The following XKR9 variants were observed in gnomAD, a reference collection of about 807,000 sequenced individuals.
The protein encoded by XKR9 is XK-related protein 9.
XKR9 carries 32 observed loss-of-function variants against 32.0 expected under a neutral mutation model. The observed-to-expected ratio is 1.00, with a 90% CI of 0.76 to 1.34. The LOEUF (loss-of-function observed/expected upper bound fraction) is 1.34. Ranked by LOEUF, XKR9 falls within the 40% of genes most tolerant of loss-of-function variation. The pLI, the probability that XKR9 is intolerant of heterozygous loss-of-function variation, is 0.00. For missense variants in XKR9, 546 were observed against 429.7 expected (o/e 1.27, Z -2.39); for synonymous variants, 168 against 143.4 (o/e 1.17, Z -1.22).
At chr8:70,947,792 T>A in the XKR9 span, among the ~76,000 whole-genome samples, 10 of 152,264 alleles carry the variant, frequency 6.6e-5, no homozygotes, top group Middle Eastern at 3.4e-3. Context: ...ATCAAGAGGG[T>A]TTAAAATTTT....
At chr8:70,716,616 T>G (rs1407388130) in intron 4 of XKR9, among the ~76,000 whole-genome samples, 1 of 152,090 alleles carries the variant, frequency 6.6e-6, no homozygotes. Context: ...TTCAGTTACC[T>G]CTACCGTGTC....
chr8:70,969,842 G>A, the XKR9 span, among the ~76,000 whole-genome samples: 4 of 152,088 alleles, frequency 2.6e-5, 1 homozygote. Flanking sequence ...AGATTTCTGT[G>A]CACCCATCAC....
chr8:70,997,928 A>G, the XKR9 span, among the ~76,000 whole-genome samples: 1 of 152,120 alleles, frequency 6.6e-6, no homozygotes, highest in African/African-American at 2.4e-5. Context: ...AATTTAGGAA[A>G]TATATTTTAG....
Position 70,707,061 on chromosome 8 carries a change from T to C in XKR9, c.401T>C (p.Leu134Pro), listed in dbSNP as rs1395799184. 2.5e-6 allele frequency: 4 copies of C among 1,613,406 alleles called. No homozygotes were observed. The African/African-American group carries it at 4.0e-5, about 16-fold the overall frequency. ...GATAGAGTGACTGATTTGAGCATGC[T>C]CAGACTATTTGAGACCTACCTGGAA... ...VIDRVTDLSM[L>P]RLFETYLEGC... Residue 134 changes from leucine (L) to proline (P), a missense_variant, in exon 4 of 5, where the codon CTC becomes CCC. Physicochemically the swap from Leu to Pro is moderately conservative, Grantham distance 98 (BLOSUM62 -3). Coordinates refer to ENST00000408926, the MANE Select transcript of XKR9 (RefSeq NM_001011720.2).
At chr8:71,040,283 G>A in the XKR9 span, among the ~76,000 whole-genome samples, 1 of 152,142 alleles carries the variant, frequency 6.6e-6, no homozygotes, top group African/African-American at 2.4e-5. Flanking sequence ...GGAAGTGACT[G>A]CTGAAGGTAC....
At chr8:71,041,233 A>G in the XKR9 span, among the ~76,000 whole-genome samples, 3 of 152,170 alleles carry the variant, frequency 2.0e-5, no homozygotes, top group East Asian at 5.8e-4. Context: ...CCTGATGCAT[A>G]CATGATTTCT....
At chr8:71,058,354 T>G in the XKR9 span, among the ~76,000 whole-genome samples, 1 of 152,154 alleles carries the variant, frequency 6.6e-6, no homozygotes, top group African/African-American at 2.4e-5. Context: ...TGCAGCCAAG[T>G]AGGGTTAGTC....
At chr8:71,063,552 G>A in the XKR9 span, among the ~76,000 whole-genome samples, 35 of 147,816 alleles carry the variant, frequency 2.4e-4, no homozygotes, top group Admixed American at 1.3e-4. Context: ...CAGAGCAAGT[G>A]ACAAAAAAAA....
chr8:70,693,300 G>T (rs1805144491), intron 3 of XKR9, among the ~76,000 whole-genome samples: 2 of 152,280 alleles, frequency 1.3e-5, no homozygotes, highest in Non-Finnish European at 2.9e-5. Flanking sequence ...TGGTTTCAGT[G>T]GGGGTATATT....
chr8:70,744,119 T>A (rs1807025267), intron 2 of XKR9, among the ~76,000 whole-genome samples: 1 of 152,020 alleles, frequency 6.6e-6, no homozygotes, highest in Non-Finnish European at 1.5e-5. Flanking sequence ...AAGACCACTC[T>A]GGTCAACATG....
At chr8:71,052,212 G>C in the XKR9 span, among the ~76,000 whole-genome samples, 5 of 152,200 alleles carry the variant, frequency 3.3e-5, no homozygotes, top group Non-Finnish European at 7.3e-5. Flanking sequence ...TCAATACAAT[G>C]ATTGTTGTTA....
At chr8:70,807,661 A>C in the XKR9 span, among the ~76,000 whole-genome samples, 1 of 152,216 alleles carries the variant, frequency 6.6e-6, no homozygotes, top group African/African-American at 2.4e-5. Context: ...AAAAAAAGAC[A>C]AAAAACAGCA....
At chr8:70,699,188 A>C (rs539010143) in intron 3 of XKR9, among the ~76,000 whole-genome samples, 2 of 152,224 alleles carry the variant, frequency 1.3e-5, no homozygotes, top group African/African-American at 4.8e-5. Flanking sequence ...TTACGTTTAA[A>C]GTTAATATTG....
At chr8:70,959,330 T>C in the XKR9 span, among the ~76,000 whole-genome samples, 1 of 152,220 alleles carries the variant, frequency 6.6e-6, no homozygotes, top group Admixed American at 6.5e-5. Flanking sequence ...GTGATAGTAT[T>C]CTGCATTTGC....
chr8:71,010,910 G>T, the XKR9 span, among the ~76,000 whole-genome samples: 3 of 152,144 alleles, frequency 2.0e-5, no homozygotes, highest in Admixed American at 6.5e-5. Context: ...ATCCTAGGGC[G>T]ATTCCAGGGG....
At chr8:70,742,765 T>C (rs114537698) in intron 2 of XKR9, among the ~76,000 whole-genome samples, 1,761 of 152,244 alleles carry the variant, frequency 0.012, 33 homozygotes, top group African/African-American at 0.038. Flanking sequence ...AAAAAGTTAG[T>C]GATCATTTAC....
chr8:71,017,195 G>A, the XKR9 span, among the ~76,000 whole-genome samples: 1 of 152,180 alleles, frequency 6.6e-6, no homozygotes, highest in Non-Finnish European at 1.5e-5. Flanking sequence ...GGAATGGTCA[G>A]CATGAAGCAT....
At chr8:70,854,291 T>G in the XKR9 span, among the ~76,000 whole-genome samples, 1 of 152,232 alleles carries the variant, frequency 6.6e-6, no homozygotes, top group Non-Finnish European at 1.5e-5. Context: ...TGATGAGCAT[T>G]TTTTCATGTG....
the XKR9 span, among the ~76,000 whole-genome samples, chr8:70,810,796 C>G: frequency 6.6e-6 from 1 of 152,150 alleles, no homozygotes; most frequent in South Asian, 2.1e-4. Context: ...AAAGCAAGTC[C>G]TTAGAGACCT....
Sources: allele counts gnomAD v4.1 joint callset (sites outside exome capture counted in the v4.1 genomes callset), GRCh38; gene constraint gnomAD v4.1.1; transcripts MANE v1.5; gene names NCBI Gene and HGNC (gene_info 2026-07-23, HGNC 2026-07-21).